The following TINAG variants were observed in gnomAD, a reference collection of about 807,000 sequenced individuals.
The protein encoded by TINAG is tubulointerstitial nephritis antigen.
TINAG carries 83 observed loss-of-function variants against 72.7 expected under a neutral mutation model. That is an observed-to-expected ratio of 1.14 (90% CI 0.96 to 1.37). The LOEUF (loss-of-function observed/expected upper bound fraction) is 1.37. Ranked by LOEUF, TINAG falls within the 40% of genes most tolerant of loss-of-function variation. TINAG has a pLI of 0.00. For synonymous variants in TINAG, 234 were observed against 189.9 expected (o/e 1.23, Z -1.91); for missense variants, 685 against 576.6 (o/e 1.19, Z -1.93).
chr6:54,347,488 T>C lies in TINAG; in HGVS notation c.870T>C (p.Asp290=), dbSNP rs762714403. ...ATGGATGCAATAGTGGAAGCATCGA[T>C]AGGGCTTGGTGGTACCTGAGAAAAC... ...NRHGCNSGSI[D]RAWWYLRKRG... is the part of the protein sequence containing the mutation. Residue 290 remains aspartate, a synonymous_variant, in exon 6 of 11, where the codon GAT becomes GAC. Transcript: ENST00000259782. 1.9e-6 allele frequency: 3 copies of C among 1,613,102 alleles called. No homozygotes were observed. The highest frequency in any genetic ancestry group is 1.1e-5 in the South Asian group (1 of 91,044).
At chr6:54,365,916 G>C (rs560965029) in intron 9 of TINAG, among the ~76,000 whole-genome samples, 1 of 151,664 alleles carries the variant, frequency 6.6e-6, no homozygotes, top group Non-Finnish European at 1.5e-5. Flanking sequence ...TGTAGTACCA[G>C]CTACTTAGGA....
At chr6:54,323,894 C>A (rs956641218) in intron 3 of TINAG, among the ~76,000 whole-genome samples, 3 of 152,108 alleles carry the variant, frequency 2.0e-5, no homozygotes, top group African/African-American at 7.2e-5. Flanking sequence ...GTGAAGGTTG[C>A]AGTGAGCTGA....
At chr6:54,333,954 A>T (rs754099032) in intron 4 of TINAG, among the ~76,000 whole-genome samples, 1 of 152,170 alleles carries the variant, frequency 6.6e-6, no homozygotes, top group Non-Finnish European at 1.5e-5. Flanking sequence ...TGACCTGGCA[A>T]ACTCCTTTGT....
intron 4 of TINAG, among the ~76,000 whole-genome samples, 157 bp from the exon 5 acceptor site, chr6:54,343,069 G>C (rs1785036419): frequency 6.6e-6 from 1 of 152,116 alleles, no homozygotes; most frequent in Non-Finnish European, 1.5e-5. Context: ...TTTAACCATA[G>C]AGTGAAATAT....
At chr6:54,373,066 C>T (rs944636744) in intron 9 of TINAG, among the ~76,000 whole-genome samples, 2 of 152,106 alleles carry the variant, frequency 1.3e-5, no homozygotes, top group Non-Finnish European at 2.9e-5. Flanking sequence ...AAATATTACT[C>T]TTCTCCATTC....
chr6:54,364,521 T>C (rs1203877005), intron 9 of TINAG, among the ~76,000 whole-genome samples: 5 of 151,512 alleles, frequency 3.3e-5, no homozygotes, highest in Non-Finnish European at 5.9e-5. Flanking sequence ...TAGAAGTTTA[T>C]TTTTTGTTCA....
upstream of TINAG, chr6:54,308,336 C>T (rs1219385263): frequency 3.1e-6 from 2 of 635,644 alleles, no homozygotes; most frequent in African/African-American, 1.8e-5. Context: ...GGGGGAATAA[C>T]AATAGTTTAT....
At chr6:54,314,786 C>T (rs143747830) in intron 1 of TINAG, among the ~76,000 whole-genome samples, 55 of 152,226 alleles carry the variant, frequency 3.6e-4, no homozygotes, top group African/African-American at 1.2e-3. Flanking sequence ...GTAGTTGCTA[C>T]TTCTTCAATA....
At chr6:54,344,249 A>G (rs908083456) in intron 5 of TINAG, among the ~76,000 whole-genome samples, 1 of 152,198 alleles carries the variant, frequency 6.6e-6, no homozygotes, top group Admixed American at 6.5e-5. Context: ...AAATGCTGAC[A>G]TCTTTGTCTA....
chr6:54,318,553 T>G (rs1446058408), intron 1 of TINAG, among the ~76,000 whole-genome samples: 1 of 152,258 alleles, frequency 6.6e-6, no homozygotes, highest in Admixed American at 6.6e-5. Flanking sequence ...TCCACCCTAG[T>G]CAGCTCAACA....
intron 10 of TINAG, among the ~76,000 whole-genome samples, 194 bp from the exon 11 acceptor site, chr6:54,389,597 C>T (rs966899886): frequency 9.2e-5 from 14 of 152,168 alleles, no homozygotes; most frequent in African/African-American, 1.4e-4. Flanking sequence ...TCAATTCTGG[C>T]TATTGCCATC....
intron 10 of TINAG, among the ~76,000 whole-genome samples, chr6:54,388,735 C>T (rs1471928268): frequency 6.6e-6 from 1 of 151,968 alleles, no homozygotes; most frequent in African/African-American, 2.4e-5. Context: ...CTTATTCGTT[C>T]AAGCTTTTAA....
intron 1 of TINAG, among the ~76,000 whole-genome samples, chr6:54,309,201 CTT>C (rs1562141753): frequency 6.6e-6 from 1 of 152,082 alleles, no homozygotes; most frequent in African/African-American, 2.4e-5. Context: ...ACTTTAAACT[CTT>C]TCTTCTGTTC....
chr6:54,379,092 G>A (rs1460281790), intron 9 of TINAG, among the ~76,000 whole-genome samples: 1 of 152,142 alleles, frequency 6.6e-6, no homozygotes, highest in African/African-American at 2.4e-5. Context: ...TGTAATGACA[G>A]ACCATAATTT....
chr6:54,363,523 CA>C (rs1323668879), intron 9 of TINAG, among the ~76,000 whole-genome samples: 1 of 149,502 alleles, frequency 6.7e-6, no homozygotes, highest in Non-Finnish European at 1.5e-5. Context: ...AGAATTATGG[CA>C]GGGAACGGTG....
chr6:54,376,297 CAGTTTTTCGAA>C (rs1562183413), intron 9 of TINAG, among the ~76,000 whole-genome samples: 1 of 152,018 alleles, frequency 6.6e-6, no homozygotes, highest in African/African-American at 2.4e-5. Context: ...ATTAGACTGA[CAGTTTTTCGAA>C]AGCAAAATAT....
intron 9 of TINAG, among the ~76,000 whole-genome samples, chr6:54,377,982 C>T (rs1347289148): frequency 6.6e-6 from 1 of 151,882 alleles, no homozygotes; most frequent in African/African-American, 2.4e-5. Flanking sequence ...TTTTTTACAA[C>T]ATCCCATTGC....
intron 1 of TINAG, among the ~76,000 whole-genome samples, chr6:54,319,162 T>A (rs1582697054): frequency 6.6e-6 from 1 of 152,108 alleles, no homozygotes; most frequent in East Asian, 1.9e-4. Flanking sequence ...GAGGTATGAT[T>A]AAAAATCAGC....
At chr6:54,380,677 T>C (rs1489907062) in intron 10 of TINAG, 106 bp downstream of exon 10, 4 of 798,932 alleles carry the variant, frequency 5.0e-6, no homozygotes, top group Non-Finnish European at 7.9e-6. Context: ...CTCAGCTGTG[T>C]AATATTGTTG....
Sources: gnomAD v4.1 joint callset for allele counts (sites outside exome capture counted in the v4.1 genomes callset) on GRCh38, gnomAD v4.1.1 for gene constraint, MANE v1.5 for transcripts, NCBI Gene and HGNC (gene_info 2026-07-23, HGNC 2026-07-21) for gene names.